Variants in ESRRG observed in about 807,000 individuals in gnomAD.
The protein encoded by ESRRG is estrogen-related receptor gamma.
ESRRG carries 13 observed loss-of-function variants against 44.0 expected under a neutral mutation model. The ratio of observed to expected loss-of-function variants is 0.30; its 90% CI spans 0.19 to 0.47. The LOEUF is 0.47. Among genes scored for constraint, ESRRG ranks in the 20% least tolerant of loss-of-function variants. The pLI, the probability that ESRRG is intolerant of heterozygous loss-of-function variation, is 1.00. For synonymous variants in ESRRG, 215 were observed against 214.6 expected (o/e 1.00, Z -0.02); for missense variants, 395 against 580.6 (o/e 0.68, Z 3.29).
chr1:217,094,744 G>A (rs1401167372), intron 1 of ESRRG, among the ~76,000 whole-genome samples: 1 of 152,226 alleles, frequency 6.6e-6, no homozygotes, highest in Non-Finnish European at 1.5e-5. Context: ...ACAAGGTCCT[G>A]TAGCTAGTGA....
At chr1:216,928,239 C>A (rs2149791425) in intron 2 of ESRRG, among the ~76,000 whole-genome samples, 1 of 152,158 alleles carries the variant, frequency 6.6e-6, no homozygotes, top group Middle Eastern at 3.4e-3. Flanking sequence ...TGAATTTTTC[C>A]CCTGTAAAAT....
At chr1:216,559,320 G>GA (rs1035722502) in intron 5 of ESRRG, among the ~76,000 whole-genome samples, 3 of 152,082 alleles carry the variant, frequency 2.0e-5, no homozygotes, top group Admixed American at 6.5e-5. Context: ...AGTTAATCCT[G>GA]AAAAAAGAGG....
intron 1 of ESRRG, among the ~76,000 whole-genome samples, chr1:216,702,644 G>T (rs2081612126): frequency 6.6e-6 from 1 of 151,100 alleles, no homozygotes; most frequent in Admixed American, 6.6e-5. Context: ...AGGCATGGTG[G>T]CATATGCCTG....
intron 2 of ESRRG, among the ~76,000 whole-genome samples, chr1:216,735,456 C>T (rs2152165638): frequency 1.3e-5 from 2 of 151,756 alleles, no homozygotes; most frequent in East Asian, 3.9e-4. Flanking sequence ...GATCCTCCAG[C>T]CTCAGCCTCC....
At chr1:216,846,771 A>G (rs183452560) in intron 2 of ESRRG, among the ~76,000 whole-genome samples, 102 of 152,228 alleles carry the variant, frequency 6.7e-4, no homozygotes, top group African/African-American at 2.4e-3. Context: ...TCCTGACCCA[A>G]TTAACATTCC....
rs149003593 is a variant in ESRRG at position 217,088,772 on chromosome 1, G to A, written c.-106+735C>T. On this transcript the variant is annotated intron_variant, in intron 1 of 7. Transcript: ENST00000359162. ...GTTGCCGGAAGGGAAAAGAAAGGGA[G>A]GAGGGGAGCTTTGCCCTCTGTGTCT... is the stretch of plus-strand genomic sequence containing the variant. Among the ~76,000 whole-genome samples, 1,286 of 152,210 alleles carry A rather than the reference G, an allele frequency of 8.4e-3. 18 individuals are homozygous for A. Among genetic ancestry groups the A allele is most frequent in the African/African-American group, 0.029 (1,210 of 41,536 alleles).
intron 3 of ESRRG, among the ~76,000 whole-genome samples, chr1:216,591,468 G>T (rs914326759): frequency 2.0e-5 from 3 of 152,138 alleles, no homozygotes; most frequent in African/African-American, 7.2e-5. Flanking sequence ...CTGAAGTACT[G>T]GATACCCAGT....
rs184197586 is a variant in ESRRG at position 216,764,373 on chromosome 1, G to A, written c.-13-86882C>T. Among the ~76,000 whole-genome samples, 400 of 151,688 alleles carry A rather than the reference G, an allele frequency of 2.6e-3. 2 individuals carry two copies. Among genetic ancestry groups the A allele is most frequent in the African/African-American group, 9.3e-3 (386 of 41,376 alleles). On this transcript the variant is annotated intron_variant, in intron 2 of 7. Transcript: ENST00000359162. ...CAACCTCTGCCTCCCAGGTTCAAGCGATTCTCCTGCCTCACCTCCTGAGTA... is the reference window on the plus strand; with the variant it reads ...CAACCTCTGCCTCCCAGGTTCAAGCAATTCTCCTGCCTCACCTCCTGAGTA...
At position 216,798,587 on chromosome 1, in the gene ESRRG, T is replaced by C. The variant is rs143024261; in HGVS notation, c.-13-121096A>G. ...TGACCAGACTGGAATTTTAAATAGA[T>C]TGTTAGAAGGGAAGAATCTATATAG... On this transcript the variant is annotated intron_variant, in intron 2 of 7. Transcript: ENST00000359162. Among the ~76,000 whole-genome samples the C allele has an allele frequency of 3.2e-3, 489 of 152,224 alleles. 1 individual carries two copies. The highest frequency in any genetic ancestry group is 0.011 in the African/African-American group (477 of 41,540).
chr1:216,558,805 A>G (rs2058105384), intron 5 of ESRRG, among the ~76,000 whole-genome samples: 2 of 152,156 alleles, frequency 1.3e-5, no homozygotes, highest in African/African-American at 4.8e-5. Flanking sequence ...TATAACTACC[A>G]GGTACATTAA....
At chr1:216,885,655 A>G (rs1026553632) in intron 2 of ESRRG, among the ~76,000 whole-genome samples, 4 of 150,966 alleles carry the variant, frequency 2.6e-5, no homozygotes, top group Non-Finnish European at 5.9e-5. Flanking sequence ...TTTTAATTTC[A>G]TCTTGCCAGG....
At chr1:216,830,182 T>C (rs976787116) in intron 2 of ESRRG, among the ~76,000 whole-genome samples, 4 of 152,176 alleles carry the variant, frequency 2.6e-5, no homozygotes, top group Admixed American at 2.6e-4. Flanking sequence ...AGAGGGCACA[T>C]TAATAACGTA....
intron 1 of ESRRG, among the ~76,000 whole-genome samples, chr1:217,009,895 G>A (rs1309609853): frequency 4.0e-5 from 6 of 151,560 alleles, no homozygotes; most frequent in African/African-American, 1.2e-4. Context: ...TAGTAGAGAC[G>A]GGGTTTCACC....
At chr1:217,124,717 TC>T (rs1245223389) in intron 1 of ESRRG, among the ~76,000 whole-genome samples, 1 of 152,138 alleles carries the variant, frequency 6.6e-6, no homozygotes, top group Admixed American at 6.5e-5. Context: ...ACCAAGGTAA[TC>T]GGGCTTAGGT....
At chr1:216,762,915 C>A (rs1394320411) in intron 2 of ESRRG, among the ~76,000 whole-genome samples, 2 of 151,952 alleles carry the variant, frequency 1.3e-5, no homozygotes, top group African/African-American at 2.4e-5. Flanking sequence ...ATGAAATTCT[C>A]AAGACTGTAA....
Position 216,506,799 on chromosome 1 carries a change from C to T in ESRRG, c.*140G>A, listed in dbSNP as rs1023831503. On this transcript the variant is annotated 3_prime_UTR_variant, in exon 7 of 7. Transcript: ENST00000408911. ...CTATGGAGGAATCTGAAAGCTGCTT[C>T]ATAGTCTTGCTGCTAAATTATCAGT... 23 of 901,324 alleles carry T rather than the reference C, an allele frequency of 2.6e-5. No homozygotes were observed. In the African/African-American group the frequency reaches 3.4e-4, roughly 13 times the overall value. The allele number at this position is 901,324 out of a possible 1,614,324, so 55.8% of individuals were successfully genotyped here. A position where few individuals can be genotyped will look rare whatever the true frequency, so the allele number is the denominator to read the frequency against.
At chr1:216,734,091 A>G (rs2089418899) in intron 2 of ESRRG, among the ~76,000 whole-genome samples, 1 of 151,412 alleles carries the variant, frequency 6.6e-6, no homozygotes, top group African/African-American at 2.4e-5. Context: ...GTGTCCTATC[A>G]TGCTTTGCGC....
upstream of ESRRG, chr1:216,723,441 T>TA: frequency 1.4e-6 from 1 of 725,036 alleles, no homozygotes; most frequent in East Asian, 2.6e-5. Context: ...CACACTCTCC[T>TA]AATCAAGGAC....
At chr1:217,020,627 A>AG (rs962196473) in intron 1 of ESRRG, among the ~76,000 whole-genome samples, 5 of 152,190 alleles carry the variant, frequency 3.3e-5, no homozygotes, top group African/African-American at 7.2e-5. Context: ...CACTTGTTCA[A>AG]GGGGGGCAAG....
Sources: allele counts gnomAD v4.1 joint callset (sites outside exome capture counted in the v4.1 genomes callset), GRCh38; gene constraint gnomAD v4.1.1; transcripts MANE v1.5; gene names NCBI Gene and HGNC (gene_info 2026-07-23, HGNC 2026-07-21).